PCDH15: variants seen among roughly 807,000 people sequenced by gnomAD.
PCDH15 encodes the protein protocadherin-15.
In PCDH15, 129 loss-of-function variants were observed where a neutral mutation model predicts 178.5. The ratio of observed to expected loss-of-function variants is 0.72; its 90% CI spans 0.63 to 0.84. The LOEUF is 0.84. Among genes scored for constraint, PCDH15 ranks in the 40% least tolerant of loss-of-function variants. The pLI, the probability that PCDH15 is intolerant of heterozygous loss-of-function variation, is 0.00. For missense variants in PCDH15, 2,230 were observed against 2,099.9 expected (o/e 1.06, Z -1.21); for synonymous variants, 800 against 732.0 (o/e 1.09, Z -1.50).
At chr10:54,638,992 T>A (rs749366041) in intron 2 of PCDH15, among the ~76,000 whole-genome samples, 3 of 152,032 alleles carry the variant, frequency 2.0e-5, no homozygotes. Flanking sequence ...AAACTATGGG[T>A]ACACAATGAT....
At chr10:53,907,943 C>T (rs965971320) in intron 25 of PCDH15, among the ~76,000 whole-genome samples, 3 of 152,132 alleles carry the variant, frequency 2.0e-5, no homozygotes, top group African/African-American at 7.2e-5. Context: ...TTTTAATAAT[C>T]AAGACTGTGA....
At chr10:53,957,515 T>TTTTTTC (rs1359920143) in intron 23 of PCDH15, among the ~76,000 whole-genome samples, 6 of 151,454 alleles carry the variant, frequency 4.0e-5, no homozygotes, top group Non-Finnish European at 8.8e-5. Context: ...TTTTTTTTTT[T>TTTTTTC]TCCTGATAAC....
intron 3 of PCDH15, among the ~76,000 whole-genome samples, chr10:54,844,225 C>T (rs1347987808): frequency 6.6e-6 from 1 of 151,916 alleles, no homozygotes; most frequent in Non-Finnish European, 1.5e-5. Context: ...TTTCACAAAT[C>T]TTATTTTTTA....
At chr10:54,619,329 G>A (rs566472036) in intron 2 of PCDH15, 39 of 151,886 alleles carry the variant, frequency 2.6e-4, no homozygotes, top group Non-Finnish European at 4.7e-4. Flanking sequence ...AAAAAAGTAA[G>A]TAATTTAAGG....
chr10:54,580,574 G>A (rs1189517614), intron 2 of PCDH15, among the ~76,000 whole-genome samples: 1 of 151,770 alleles, frequency 6.6e-6, no homozygotes, highest in South Asian at 2.1e-4. Context: ...AATTAAGGAG[G>A]AACTCCTCTG....
intron 3 of PCDH15, among the ~76,000 whole-genome samples, chr10:54,447,338 T>C (rs112811031): frequency 0.096 from 14,542 of 151,642 alleles, 843 homozygotes; most frequent in African/African-American, 0.16. Context: ...TTTGAACTTA[T>C]TCCTCCTGGC....
At chr10:55,235,511 A>G (rs1012194393) in intron 1 of PCDH15, among the ~76,000 whole-genome samples, 3 of 152,248 alleles carry the variant, frequency 2.0e-5, no homozygotes, top group Non-Finnish European at 4.4e-5. Flanking sequence ...AATTTAAGAT[A>G]CCGTATTATG....
intron 2 of PCDH15, among the ~76,000 whole-genome samples, chr10:55,523,704 T>C (rs1264003121): frequency 1.3e-5 from 2 of 151,570 alleles, no homozygotes; most frequent in Admixed American, 6.6e-5. Flanking sequence ...TTTCCATGAG[T>C]TCAACCTTAT....
At chr10:55,159,246 T>A (rs1271386945) in intron 2 of PCDH15, among the ~76,000 whole-genome samples, 1 of 151,826 alleles carries the variant, frequency 6.6e-6, no homozygotes, top group Non-Finnish European at 1.5e-5. Flanking sequence ...AAATGGAATA[T>A]TTTGTCACAT....
At chr10:55,216,338 G>A (rs1159458633) in intron 1 of PCDH15, among the ~76,000 whole-genome samples, 1 of 151,878 alleles carries the variant, frequency 6.6e-6, no homozygotes, top group African/African-American at 2.4e-5. Flanking sequence ...TATTAAATAT[G>A]TTACAGAATT....
intron 2 of PCDH15, among the ~76,000 whole-genome samples, chr10:55,616,857 G>T (rs1037199264): frequency 2.0e-5 from 3 of 152,032 alleles, no homozygotes; most frequent in Admixed American, 2.0e-4. Context: ...GTGTTGCCTA[G>T]ATAACTAGTA....
intron 2 of PCDH15, among the ~76,000 whole-genome samples, chr10:55,023,948 AT>A (rs1840405088): frequency 6.7e-6 from 1 of 149,680 alleles, no homozygotes; most frequent in Non-Finnish European, 1.5e-5. Context: ...TGGAGTTTAC[AT>A]CTGAATCAGA....
chr10:55,429,537 GAATTA>G (rs1224104654), intron 2 of PCDH15, among the ~76,000 whole-genome samples: 2 of 151,982 alleles, frequency 1.3e-5, no homozygotes, highest in Non-Finnish European at 2.9e-5. Flanking sequence ...TGGTTTTGAG[GAATTA>G]AATTATTTTC....
chr10:54,586,515 C>A (rs1016769910), intron 2 of PCDH15, among the ~76,000 whole-genome samples: 7 of 152,088 alleles, frequency 4.6e-5, no homozygotes, highest in African/African-American at 1.4e-4. Context: ...ATAACATAGA[C>A]CATATCATAT....
chr10:55,244,206 T>C (rs751624863), intron 1 of PCDH15, among the ~76,000 whole-genome samples: 7 of 152,166 alleles, frequency 4.6e-5, no homozygotes, highest in Admixed American at 1.3e-4. Flanking sequence ...TGTCAAATTG[T>C]TTTCTGTGTC....
intron 1 of PCDH15, among the ~76,000 whole-genome samples, chr10:54,792,868 C>T (rs762117500): frequency 6.6e-6 from 1 of 151,794 alleles, no homozygotes; most frequent in African/African-American, 2.4e-5. Flanking sequence ...TGAGCACTGG[C>T]AGGGTGGGAT....
At chr10:55,034,036 A>G (rs1369394277) in intron 2 of PCDH15, among the ~76,000 whole-genome samples, 1 of 151,680 alleles carries the variant, frequency 6.6e-6, no homozygotes, top group Non-Finnish European at 1.5e-5. Flanking sequence ...CAAACCTGTC[A>G]GTTCCTTGAT....
At chr10:53,967,623 G>A (rs1382826613) in intron 21 of PCDH15, among the ~76,000 whole-genome samples, 1 of 151,998 alleles carries the variant, frequency 6.6e-6, no homozygotes, top group African/African-American at 2.4e-5. Flanking sequence ...ATTGTATTAG[G>A]AATAGACAGA....
At chr10:55,374,767 A>G (rs543080539) in intron 2 of PCDH15, among the ~76,000 whole-genome samples, 26 of 152,202 alleles carry the variant, frequency 1.7e-4, no homozygotes, top group African/African-American at 6.3e-4. Context: ...GCCTGAAAGC[A>G]TAATTTTTGT....
Sources: gnomAD v4.1 joint callset for allele counts (sites outside exome capture counted in the v4.1 genomes callset) on GRCh38, gnomAD v4.1.1 for gene constraint, MANE v1.5 for transcripts, NCBI Gene and HGNC (gene_info 2026-07-23, HGNC 2026-07-21) for gene names.